Variants in CTNNA2 observed in about 807,000 individuals in gnomAD.
CTNNA2 encodes the protein catenin alpha-2.
Under a neutral mutation model 101.0 loss-of-function variants are expected in CTNNA2, and 42 were observed. The ratio of observed to expected loss-of-function variants is 0.42; its 90% CI spans 0.32 to 0.54. CTNNA2 has a LOEUF of 0.54. Ranked by LOEUF, CTNNA2 falls within the 20% of genes least tolerant of loss-of-function variation. The pLI, the probability that CTNNA2 is intolerant of heterozygous loss-of-function variation, is 0.14. For missense variants in CTNNA2, 871 were observed against 1,223.1 expected (o/e 0.71, Z 4.29); for synonymous variants, 450 against 456.4 (o/e 0.99, Z 0.18).
At chr2:79,760,509 G>A (rs1268426115) in intron 3 of CTNNA2, among the ~76,000 whole-genome samples, 4 of 152,018 alleles carry the variant, frequency 2.6e-5, no homozygotes, top group Non-Finnish European at 4.4e-5. Flanking sequence ...AGCAGACCTC[G>A]GTTTTTGCTT....
At chr2:79,223,397 A>G (rs1674370534) in intron 2 of CTNNA2, among the ~76,000 whole-genome samples, 1 of 152,184 alleles carries the variant, frequency 6.6e-6, no homozygotes, top group African/African-American at 2.4e-5. Flanking sequence ...GGGGACTCAG[A>G]CAGTTCTTCT....
chr2:79,652,632 C>T (rs1475315788), intron 2 of CTNNA2, among the ~76,000 whole-genome samples: 1 of 152,018 alleles, frequency 6.6e-6, no homozygotes, highest in Non-Finnish European at 1.5e-5. Flanking sequence ...CAGAAAAATC[C>T]TCCCATCTCA....
At chr2:80,415,113 C>T (rs926520849) in intron 8 of CTNNA2, among the ~76,000 whole-genome samples, 4 of 152,080 alleles carry the variant, frequency 2.6e-5, no homozygotes, top group Admixed American at 6.6e-5. Flanking sequence ...ACAAAGGCTC[C>T]GAACAGCAGA....
intron 2 of CTNNA2, among the ~76,000 whole-genome samples, chr2:79,250,342 A>T (rs888052078): frequency 6.6e-6 from 1 of 152,172 alleles, no homozygotes; most frequent in African/African-American, 2.4e-5. Flanking sequence ...CACAGTGAGG[A>T]TCCTGTATGC....
At chr2:79,294,580 G>T (rs928656828) in intron 2 of CTNNA2, among the ~76,000 whole-genome samples, 1 of 151,982 alleles carries the variant, frequency 6.6e-6, no homozygotes, top group African/African-American at 2.4e-5. Context: ...TTTTCACATG[G>T]TACTAACAAG....
At chr2:79,702,362 A>G (rs188172754) in intron 2 of CTNNA2, among the ~76,000 whole-genome samples, 16 of 152,268 alleles carry the variant, frequency 1.1e-4, no homozygotes, top group African/African-American at 3.9e-4. Context: ...CATGTTGTAT[A>G]TGGCTACTCT....
At chr2:80,171,122 C>T (rs566346161) in intron 7 of CTNNA2, among the ~76,000 whole-genome samples, 21 of 152,276 alleles carry the variant, frequency 1.4e-4, no homozygotes, top group African/African-American at 4.8e-4. Flanking sequence ...TGCTTTTTTG[C>T]AGGGCTGATA....
intron 3 of CTNNA2, among the ~76,000 whole-genome samples, chr2:79,826,266 G>A (rs762543055): frequency 9.2e-5 from 14 of 152,170 alleles, no homozygotes; most frequent in Non-Finnish European, 2.1e-4. Context: ...ACTATTTTGA[G>A]AAACAGTGTT....
chr2:79,625,296 A>C (rs1442974495), intron 1 of CTNNA2, among the ~76,000 whole-genome samples: 10 of 152,146 alleles, frequency 6.6e-5, no homozygotes, highest in Non-Finnish European at 4.4e-5. Context: ...GTGATATGAT[A>C]ATTGCTATAA....
At chr2:79,555,540 G>T (rs1674389961) in intron 1 of CTNNA2, among the ~76,000 whole-genome samples, 1 of 152,008 alleles carries the variant, frequency 6.6e-6, no homozygotes, top group Admixed American at 6.6e-5. Context: ...TATTTTATTT[G>T]AATTGTGTTA....
intron 7 of CTNNA2, among the ~76,000 whole-genome samples, chr2:80,157,896 G>A (rs563793541): frequency 1.1e-4 from 16 of 152,226 alleles, no homozygotes; most frequent in African/African-American, 3.6e-4. Flanking sequence ...CCCAATCAAA[G>A]ATCAAGCATA....
chr2:79,420,685 T>A (rs1247639123), intron 4 of CTNNA2, among the ~76,000 whole-genome samples: 1 of 152,202 alleles, frequency 6.6e-6, no homozygotes, highest in Non-Finnish European at 1.5e-5. Context: ...CAAAGAGTTG[T>A]TTAGAGGATT....
At chr2:80,054,319 G>C (rs1057328174) in intron 7 of CTNNA2, among the ~76,000 whole-genome samples, 1 of 152,182 alleles carries the variant, frequency 6.6e-6, no homozygotes, top group Non-Finnish European at 1.5e-5. Context: ...CCCTAAACTA[G>C]GAGGTCAAAA....
At position 80,257,029 on chromosome 2, in the gene CTNNA2, T is replaced by C. The variant is rs1360834803; in HGVS notation, c.1057-136182T>C. On this transcript the variant is annotated intron_variant, in intron 7 of 18. Coordinates refer to ENST00000402739, the MANE Select transcript of CTNNA2 (RefSeq NM_001282597.3). ...GTATCTGTGAATATGACCCAGTGTTTCCTCTTTAGTTAAAATCGACGTATC... is the reference window on the plus strand; with the variant it reads ...GTATCTGTGAATATGACCCAGTGTTCCCTCTTTAGTTAAAATCGACGTATC... Among the ~76,000 whole-genome samples, 4 of 152,114 alleles carry C rather than the reference T, an allele frequency of 2.6e-5. No homozygotes were observed. The East Asian group carries it at 7.7e-4, about 29-fold the overall frequency.
chr2:80,140,531 T>G (rs1702949741), intron 7 of CTNNA2, among the ~76,000 whole-genome samples: 1 of 152,026 alleles, frequency 6.6e-6, no homozygotes, highest in Admixed American at 6.6e-5. Flanking sequence ...ATGTGAGAGG[T>G]GCTTGTACGT....
intron 1 of CTNNA2, among the ~76,000 whole-genome samples, chr2:79,590,848 C>T (rs1676801828): frequency 1.3e-5 from 2 of 152,092 alleles, no homozygotes; most frequent in Non-Finnish European, 2.9e-5. Context: ...GAGATATTAC[C>T]AAAACCTTTT....
At position 79,564,451 on chromosome 2, in the gene CTNNA2, A is replaced by C. The variant is rs75002219; in HGVS notation, c.-6+51244A>C. On this transcript the variant is annotated intron_variant, in intron 1 of 18. Transcript: ENST00000402739. Reference sequence around the variant, plus strand: ...ACTGCTTATTGATATATTTTTACAGAGGTTCCTTAGGAGACAGAATATTTT... The same window carrying C: ...ACTGCTTATTGATATATTTTTACAGCGGTTCCTTAGGAGACAGAATATTTT... 5.8e-3 allele frequency among the ~76,000 whole-genome samples: 890 copies of C among 152,178 alleles called. 1 individual carries two copies. The highest frequency in any genetic ancestry group is 9.6e-3 in the Non-Finnish European group (653 of 68,000).
chr2:79,978,456 A>G (rs1427376723), intron 7 of CTNNA2, among the ~76,000 whole-genome samples: 1 of 152,116 alleles, frequency 6.6e-6, no homozygotes, highest in Non-Finnish European at 1.5e-5. Flanking sequence ...CACGGGTACC[A>G]TATAATAATG....
intron 7 of CTNNA2, among the ~76,000 whole-genome samples, chr2:80,248,094 G>T (rs531975957): frequency 6.6e-6 from 1 of 150,434 alleles, no homozygotes; most frequent in African/African-American, 2.5e-5. Context: ...GGCTATGCTT[G>T]TGCCCTATCT....
Sources: allele counts gnomAD v4.1 joint callset (sites outside exome capture counted in the v4.1 genomes callset), GRCh38; gene constraint gnomAD v4.1.1; transcripts MANE v1.5; gene names NCBI Gene and HGNC (gene_info 2026-07-23, HGNC 2026-07-21).